Variants in TNRC6A observed in about 807,000 individuals in gnomAD.
TNRC6A encodes the protein trinucleotide repeat-containing gene 6A protein.
Under a neutral mutation model 221.2 loss-of-function variants are expected in TNRC6A, and 44 were observed. The ratio of observed to expected loss-of-function variants is 0.20; its 90% CI spans 0.16 to 0.26. TNRC6A has a LOEUF of 0.26. Ranked by LOEUF, TNRC6A falls within the 10% of genes least tolerant of loss-of-function variation. The pLI is 1.00. For missense variants in TNRC6A, 2,199 were observed against 2,404.4 expected (o/e 0.91, Z 1.79); for synonymous variants, 847 against 838.5 (o/e 1.01, Z -0.18).
chr16:24,818,619 C>G lies in TNRC6A; in HGVS notation c.4999C>G (p.Leu1667Val). ...SGSSSSLNTT[L>V]PSTSAWSSIR... ...GTCATCCTCATCCTTGAACACCACG[C>G]TGCCTTCAACTAGTGCCTGGTCATC... Residue 1667 changes from leucine (L) to valine (V), a missense_variant, in exon 21 of 25, where the codon CTG becomes GTG. Physicochemically the swap from Leu to Val is conservative, Grantham distance 32 (BLOSUM62 1). Around this residue, in one of 8 missense-constraint regions of TNRC6A, gnomAD observed 449 missense variants for 579.7 expected, o/e 0.77. Coordinates refer to ENST00000395799, the MANE Select transcript of TNRC6A (RefSeq NM_014494.4). 1 of 1,614,200 alleles carries G rather than the reference C, an allele frequency of 6.2e-7. No homozygotes were observed. The highest frequency in any genetic ancestry group is 8.5e-7 in the Non-Finnish European group (1 of 1,180,034).
chr16:24,771,576 GTTA>G (rs2057601852), intron 4 of TNRC6A, among the ~76,000 whole-genome samples: 1 of 115,546 alleles, frequency 8.7e-6, no homozygotes, highest in African/African-American at 3.5e-5. Context: ...GTTATGTTAT[GTTA>G]TGTTGTTATG....
Position 24,790,287 on chromosome 16 carries a change from A to C in TNRC6A, c.1645A>C (p.Thr549Pro). The C allele has an allele frequency of 2.5e-6, 4 of 1,614,126 alleles. No homozygotes were observed. Among genetic ancestry groups the C allele is most frequent in the Non-Finnish European group, 3.4e-6 (4 of 1,180,026 alleles). ...GQANGDTVNA[T>P]LMQPGVNGPM... Reference sequence around the variant, plus strand: ...AGCTAATGGTGACACTGTGAATGCAACTCTAATGCAGCCTGGCGTAAATGG... The same window carrying C: ...AGCTAATGGTGACACTGTGAATGCACCTCTAATGCAGCCTGGCGTAAATGG... The change falls in exon 6 of 25, where the codon ACT becomes CCT. Residue 549 changes from threonine to proline, a missense_variant. Coordinates refer to ENST00000395799, the MANE Select transcript of TNRC6A (RefSeq NM_014494.4).
At chr16:24,656,463 T>A (rs1419650218) in intron 2 of TNRC6A, among the ~76,000 whole-genome samples, 1 of 68,910 alleles carries the variant, frequency 1.5e-5, no homozygotes, top group African/African-American at 3.8e-5. Flanking sequence ...CGAGACTCCA[T>A]CTCAAAAAAA....
At chr16:24,628,834 AT>A (rs35324867) in intron 1 of TNRC6A, among the ~76,000 whole-genome samples, 100,224 of 150,760 alleles carry the variant, frequency 0.66, 34,677 homozygotes, top group African/African-American at 0.85. Context: ...GGTCCACTGT[AT>A]TTTTTTTTTC....
intron 1 of TNRC6A, among the ~76,000 whole-genome samples, chr16:24,626,193 A>C (rs1900980391): frequency 6.6e-6 from 1 of 151,924 alleles, no homozygotes; most frequent in Non-Finnish European, 1.5e-5. Context: ...GGGGACACCA[A>C]TATTTTTTAA....
At chr16:24,689,374 A>G (rs147877085) in intron 2 of TNRC6A, among the ~76,000 whole-genome samples, 184 of 152,318 alleles carry the variant, frequency 1.2e-3, no homozygotes, top group African/African-American at 4.2e-3. Flanking sequence ...GCCATGCAGC[A>G]AGAGGATGTC....
intron 2 of TNRC6A, among the ~76,000 whole-genome samples, chr16:24,741,662 G>A (rs1051618920): frequency 1.1e-4 from 16 of 152,072 alleles, no homozygotes; most frequent in Admixed American, 2.6e-4. Flanking sequence ...TTGGTTTTGC[G>A]TCCACCTAAT....
At position 24,789,106 on chromosome 16, in the gene TNRC6A, G is replaced by T. The variant is rs1322632037; in HGVS notation, c.590-126G>T. 4.1e-6 allele frequency: 4 copies of T among 970,966 alleles called. No homozygotes were observed. The South Asian group carries it at 5.5e-5, about 13-fold the overall frequency. The allele number at this position is 970,966 out of a possible 1,614,324, so 60.1% of individuals were successfully genotyped here. ...GTGCCCTTGTCACCATTCTGCCAAG[G>T]ATCATAGCTTGTTAAATTGAGGAGC... On this transcript the variant is annotated intron_variant, in intron 5 of 24. Transcript: ENST00000395799.
intron 2 of TNRC6A, among the ~76,000 whole-genome samples, chr16:24,704,705 A>C (rs2056062589): frequency 6.6e-6 from 1 of 150,706 alleles, no homozygotes; most frequent in African/African-American, 2.4e-5. Flanking sequence ...GAAAGAAAAA[A>C]ATTATGACAT....
chr16:24,693,042 C>T (rs777626290), intron 2 of TNRC6A, among the ~76,000 whole-genome samples: 19 of 152,098 alleles, frequency 1.2e-4, no homozygotes, highest in Non-Finnish European at 2.4e-4. Flanking sequence ...GCCGAATAAT[C>T]CTATGAAAAA....
At chr16:24,675,992 T>C (rs978652961) in intron 2 of TNRC6A, among the ~76,000 whole-genome samples, 3 of 151,372 alleles carry the variant, frequency 2.0e-5, no homozygotes, top group Admixed American at 1.3e-4. Context: ...TTAGAACTAT[T>C]CCCCACCAAT....
chr16:24,653,922 G>C (rs187568554), intron 2 of TNRC6A, among the ~76,000 whole-genome samples: 1 of 152,208 alleles, frequency 6.6e-6, no homozygotes, highest in African/African-American at 2.4e-5. Context: ...TTTGGCAGGG[G>C]CAGACCAAGA....
chr16:24,821,223 G>A (rs2058759222), intron 22 of TNRC6A, among the ~76,000 whole-genome samples: 1 of 152,130 alleles, frequency 6.6e-6, no homozygotes, highest in African/African-American at 2.4e-5. Flanking sequence ...AGTGGTTTTT[G>A]GAGGCCGCAG....
intron 4 of TNRC6A, among the ~76,000 whole-genome samples, chr16:24,769,996 A>C (rs934272389): frequency 6.6e-6 from 1 of 152,204 alleles, no homozygotes; most frequent in Non-Finnish European, 1.5e-5. Context: ...CATTGACTGC[A>C]TTGTAAGGGA....
At chr16:24,678,044 T>C (rs1036100327) in intron 2 of TNRC6A, among the ~76,000 whole-genome samples, 7 of 152,118 alleles carry the variant, frequency 4.6e-5, no homozygotes, top group African/African-American at 1.7e-4. Context: ...GCGCAGTGAC[T>C]CATGCCTGTA....
chr16:24,610,812 T>C (rs1044324559), intron 1 of TNRC6A, among the ~76,000 whole-genome samples: 1 of 151,794 alleles, frequency 6.6e-6, no homozygotes, highest in African/African-American at 2.4e-5. Context: ...CCCTCAGATT[T>C]ATTTATTTAT....
At position 24,770,479 on chromosome 16, in the gene TNRC6A, G is replaced by A. The variant is rs117738274; in HGVS notation, c.164-6454G>A. 3.7e-3 allele frequency among the ~76,000 whole-genome samples: 558 copies of A among 152,242 alleles called. 6 individuals are homozygous for A. The highest frequency in any genetic ancestry group is 0.012 in the Admixed American group (183 of 15,284). ...GGGCCTAAATCAAAGAAGTGGCGTT[G>A]GAGACACAGGATGCATTTGAATTTG... On this transcript the variant is annotated intron_variant, in intron 4 of 24. Transcript: ENST00000395799.
At chr16:24,818,562 T>C (rs942921368) in intron 20 of TNRC6A, 31 bp from the exon 21 acceptor site, 9 of 1,573,744 alleles carry the variant, frequency 5.7e-6, no homozygotes, top group Non-Finnish European at 7.9e-6. Context: ...TCCCTTGCTC[T>C]GGTGGCTGAT....
chr16:24,713,447 AACAAAAAAAT>A lies in TNRC6A; in HGVS notation n.403-37277_403-37268del, dbSNP rs1253594266. ...AAACAAACAAACAAACAAACAAACA[AACAAAAAAAT>A]ATATATATATATATGTTACCTTTTT... On this transcript the variant is annotated intron_variant and non_coding_transcript_variant, in intron 2 of 2. Transcript: ENST00000566108. Among the ~76,000 whole-genome samples the A allele has an allele frequency of 5.4e-4, 43 of 79,022 alleles. 1 individual carries two copies. The East Asian group carries it at 0.011, about 20-fold the overall frequency. 51.8% of individuals were successfully genotyped at this position (79,022 alleles called of 152,430 possible).
Sources: allele counts gnomAD v4.1 joint callset (sites outside exome capture counted in the v4.1 genomes callset), GRCh38; gene constraint gnomAD v4.1.1; regional missense constraint gnomAD v4.1.1; transcripts MANE v1.5; gene names NCBI Gene and HGNC (gene_info 2026-07-23, HGNC 2026-07-21).